The following DRC11L variants were observed in gnomAD, a reference collection of about 807,000 sequenced individuals.
DRC11L encodes dynein regulatory complex subunit like-11.
the DRC11L span, among the ~76,000 whole-genome samples, chr7:151,199,409 G>A: frequency 3.3e-5 from 5 of 152,170 alleles, no homozygotes; most frequent in African/African-American, 1.2e-4. The surrounding 1 kb of genome is among the most constrained non-coding windows in gnomAD (Gnocchi z 5.2). Flanking sequence ...TCTGCGCAGA[G>A]ACAATTACTG....
the DRC11L span, among the ~76,000 whole-genome samples, chr7:151,194,815 C>T: frequency 6.6e-6 from 1 of 152,340 alleles, no homozygotes; most frequent in East Asian, 1.9e-4. Flanking sequence ...GCAAGCCTCC[C>T]CCAGTGGGTG....
chr7:151,191,084 A>G, the DRC11L span: 3 of 399,188 alleles, frequency 7.5e-6, no homozygotes, highest in East Asian at 3.6e-5. Flanking sequence ...TTGAAGTACC[A>G]GTCCTGGGTT....
chr7:151,201,526 C>A, the DRC11L span, among the ~76,000 whole-genome samples: 1 of 152,204 alleles, frequency 6.6e-6, no homozygotes, highest in Admixed American at 6.5e-5. The surrounding 1 kb of genome is among the most constrained non-coding windows in gnomAD (Gnocchi z 4.1). Flanking sequence ...CCAGCATGCT[C>A]AGTGTACTGA....
the DRC11L span, among the ~76,000 whole-genome samples, chr7:151,195,038 A>G: frequency 1.3e-5 from 2 of 152,326 alleles, no homozygotes; most frequent in African/African-American, 4.8e-5. Context: ...TTTACCAGAC[A>G]AGTCAGCAGG....
the DRC11L span, among the ~76,000 whole-genome samples, chr7:151,205,180 C>G: frequency 6.6e-6 from 1 of 151,862 alleles, no homozygotes; most frequent in African/African-American, 2.4e-5. Context: ...GGGCAGCCCA[C>G]GGATGCTGCA....
chr7:151,201,748 G>T, the DRC11L span, among the ~76,000 whole-genome samples: 1 of 152,174 alleles, frequency 6.6e-6, no homozygotes, highest in Non-Finnish European at 1.5e-5. This position sits in a 1 kb window ranked among gnomAD's most constrained non-coding sequence, Gnocchi z 4.1. Flanking sequence ...CCCACCCCAG[G>T]TCAACAGTTC....
At chr7:151,193,233 C>T in the DRC11L span, 1 of 399,024 alleles carries the variant, frequency 2.5e-6, no homozygotes. Flanking sequence ...TCAAAGCCCC[C>T]CTCCTTTGTT....
At chr7:151,194,821 G>A in the DRC11L span, among the ~76,000 whole-genome samples, 11 of 152,236 alleles carry the variant, frequency 7.2e-5, no homozygotes, top group Non-Finnish European at 1.5e-4. Flanking sequence ...CTCCCCCAGT[G>A]GGTGCTCTGT....
chr7:151,203,290 C>T, the DRC11L span: 8 of 398,370 alleles, frequency 2.0e-5, no homozygotes, highest in Non-Finnish European at 3.5e-5. Flanking sequence ...CCAGGGATTA[C>T]CTAAAGGGCA....
the DRC11L span, chr7:151,192,579 G>T: frequency 2.5e-6 from 1 of 398,358 alleles, no homozygotes; most frequent in Non-Finnish European, 4.4e-6. Context: ...TGAGGAGGCT[G>T]CCCATCCTGC....
At chr7:151,193,111 C>T in the DRC11L span, 1 of 397,680 alleles carries the variant, frequency 2.5e-6, no homozygotes, top group East Asian at 3.6e-5. Context: ...TCCCTTCATT[C>T]CCCCACCACA....
chr7:151,194,061 G>A, the DRC11L span, among the ~76,000 whole-genome samples: 4 of 152,034 alleles, frequency 2.6e-5, no homozygotes, highest in Non-Finnish European at 4.4e-5. Flanking sequence ...CTTTCAGCAG[G>A]TCAAGGGCCC....
the DRC11L span, chr7:151,191,211 A>G: frequency 2.5e-6 from 1 of 397,914 alleles, no homozygotes; most frequent in Non-Finnish European, 4.4e-6. Flanking sequence ...GGGTCCTATT[A>G]GTGCTGGGGT....
the DRC11L span, chr7:151,204,891 C>T: frequency 1.3e-5 from 5 of 398,940 alleles, no homozygotes; most frequent in African/African-American, 6.2e-5. Flanking sequence ...AGTGGGGAGA[C>T]GGAGCAGCCT....
the DRC11L span, chr7:151,200,406 T>C: frequency 5.0e-6 from 2 of 399,124 alleles, no homozygotes; most frequent in African/African-American, 4.1e-5. Flanking sequence ...TCCATCTCCA[T>C]TCGCCGGTCC....
the DRC11L span, chr7:151,195,732 G>C: frequency 2.5e-6 from 1 of 399,010 alleles, no homozygotes; most frequent in Non-Finnish European, 4.4e-6. Flanking sequence ...CAGGCAGGCA[G>C]GGATGGGAAG....
the DRC11L span, chr7:151,194,451 T>C: frequency 2.5e-6 from 1 of 398,804 alleles, no homozygotes; most frequent in Non-Finnish European, 4.4e-6. Flanking sequence ...GGCTGGTGGA[T>C]GGGGGTAGGG....
the DRC11L span, chr7:151,192,807 G>A: frequency 2.5e-6 from 1 of 399,088 alleles, no homozygotes. Flanking sequence ...CCAAATCACA[G>A]AGGGCTGTAG....
chr7:151,204,687 A>C, the DRC11L span: 1 of 399,034 alleles, frequency 2.5e-6, no homozygotes, highest in East Asian at 3.6e-5. Flanking sequence ...GAAGCGGCGC[A>C]GCAGCCCCAG....
Sources: allele counts gnomAD v4.1 joint callset (sites outside exome capture counted in the v4.1 genomes callset), GRCh38; gene constraint gnomAD v4.1.1; non-coding constraint Gnocchi (gnomAD v3.1); transcripts MANE v1.5; gene names NCBI Gene and HGNC (gene_info 2026-07-23, HGNC 2026-07-21).